The following CLCC1 variants were observed in gnomAD, a reference collection of about 807,000 sequenced individuals.
The protein encoded by CLCC1 is chloride channel CLIC-like protein 1.
In CLCC1, 39 loss-of-function variants were observed where a neutral mutation model predicts 63.3. The ratio of observed to expected loss-of-function variants is 0.62; its 90% CI spans 0.48 to 0.81. The LOEUF (loss-of-function observed/expected upper bound fraction) is 0.81. CLCC1 is among the 30% of genes least tolerant of loss of function. The probability of loss-of-function intolerance (pLI) is 0.00; values close to 1 mark genes in which losing one functional copy is unlikely to be tolerated. For synonymous variants in CLCC1, 217 were observed against 239.8 expected (o/e 0.90, Z 0.88); for missense variants, 549 against 669.4 (o/e 0.82, Z 1.98).
intron 1 of CLCC1, among the ~76,000 whole-genome samples, chr1:108,963,017 A>C (rs1395909194): frequency 6.6e-6 from 1 of 152,268 alleles, no homozygotes; most frequent in Non-Finnish European, 1.5e-5. Context: ...TATTCAAATT[A>C]TGCTTAAAGT....
At chr1:108,938,479 A>G (rs1243974512) in intron 10 of CLCC1, among the ~76,000 whole-genome samples, 1 of 152,246 alleles carries the variant, frequency 6.6e-6, no homozygotes, top group Non-Finnish European at 1.5e-5. Context: ...AAACGATTTC[A>G]AAGTGAACAG....
chr1:108,937,694 G>C (rs1653221112), intron 10 of CLCC1, among the ~76,000 whole-genome samples: 1 of 152,172 alleles, frequency 6.6e-6, no homozygotes, highest in Non-Finnish European at 1.5e-5. Flanking sequence ...CTGAAGCCTA[G>C]ATATTTAAAT....
In CLCC1 at chr1:108,955,754, C is replaced by T. The variant is rs1047253197; in HGVS notation, c.-11-5306G>A. Among the ~76,000 whole-genome samples, 12 of 151,488 alleles carry T rather than the reference C, an allele frequency of 7.9e-5. 2 individuals are homozygous for T. Among genetic ancestry groups the T allele is most frequent in the African/African-American group, 2.5e-4 (10 of 40,742 alleles). Reference sequence around the variant, plus strand: ...AGAGAAAAGGAATTTCTTTTCTCTCCTGGAGCAGGGACACCCTTCTTCTCC... The same window carrying T: ...AGAGAAAAGGAATTTCTTTTCTCTCTTGGAGCAGGGACACCCTTCTTCTCC... On this transcript the variant is annotated intron_variant, in intron 2 of 12. Transcript: ENST00000369969.
intron 3 of CLCC1, 42 bp downstream of exon 3, chr1:108,950,267 A>C (rs1655021224): frequency 6.3e-7 from 1 of 1,579,040 alleles, no homozygotes; most frequent in Non-Finnish European, 8.6e-7. Context: ...CCATCATGGG[A>C]CTGATAAGGT....
At chr1:108,956,293 A>G (rs1219032681) in intron 2 of CLCC1, among the ~76,000 whole-genome samples, 1 of 151,338 alleles carries the variant, frequency 6.6e-6, no homozygotes, top group Non-Finnish European at 1.5e-5. Flanking sequence ...GTAGAATAAA[A>G]GAACTATCCA....
Position 108,929,713 on chromosome 1 carries a change from G to A in CLCC1, c.*2834C>T. On this transcript the variant is annotated 3_prime_UTR_variant, in exon 13 of 13. Coordinates refer to ENST00000369969, the MANE Select transcript of CLCC1 (RefSeq NM_001377458.1). ...CATAAACTTCTAGGGATCCAGATTA[G>A]ATGATCAAAGATGTGCTCCACCACC... 6.2e-7 allele frequency: 1 copy of A among 1,613,158 alleles called. No homozygotes were observed. The highest frequency in any genetic ancestry group is 8.5e-7 in the Non-Finnish European group (1 of 1,179,226).
At position 108,931,604 on chromosome 1, in the gene CLCC1, A is replaced by C; in HGVS notation, c.*943T>G. 6.2e-6 allele frequency: 8 copies of C among 1,293,752 alleles called. No individual in the cohort carries two copies. Among genetic ancestry groups the C allele is most frequent in the Non-Finnish European group, 8.1e-6 (8 of 987,152 alleles). The allele number at this position is 1,293,752 out of a possible 1,614,324, so 80.1% of individuals were successfully genotyped here. A position where few individuals can be genotyped will look rare whatever the true frequency, so the allele number is the denominator to read the frequency against. Reference sequence around the variant, plus strand: ...ATGTTTTTTAAGAGTCATAACCTGGAATTAATTACATTAAGTGCTCAGCTA... The same window carrying C: ...ATGTTTTTTAAGAGTCATAACCTGGCATTAATTACATTAAGTGCTCAGCTA... On this transcript the variant is annotated 3_prime_UTR_variant, in exon 13 of 13. Transcript: ENST00000369969.
chr1:108,959,030 C>T (rs1218102844), intron 2 of CLCC1, among the ~76,000 whole-genome samples: 4 of 151,028 alleles, frequency 2.6e-5, no homozygotes, highest in East Asian at 2.0e-4. Context: ...CAAAATTAGC[C>T]GAGCGTGGTG....
At chr1:108,950,254 T>G in intron 3 of CLCC1, 55 bp downstream of exon 3, 1 of 1,558,028 alleles carries the variant, frequency 6.4e-7, no homozygotes, top group Non-Finnish European at 8.7e-7. Context: ...AGCTAGACTG[T>G]TTCCATCATG....
At chr1:108,948,929 G>A (rs1654866541) in intron 4 of CLCC1, among the ~76,000 whole-genome samples, 2 of 151,926 alleles carry the variant, frequency 1.3e-5, no homozygotes, top group Non-Finnish European at 1.5e-5. Flanking sequence ...GACAGTATTC[G>A]TACTTAATAA....
At position 108,957,338 on chromosome 1, in the gene CLCC1, C is replaced by T. The variant is rs769402591; in HGVS notation, c.-12+4971G>A. 2.2e-4 allele frequency among the ~76,000 whole-genome samples: 34 copies of T among 151,476 alleles called. 1 individual carries two copies. The highest frequency in any genetic ancestry group is 3.3e-4 in the Admixed American group (5 of 15,290). ...GGATAGAAGGGATATGCACCACATCCAAGTCTGGCCCATGAAAACCTCCCA... is the reference window on the plus strand; with the variant it reads ...GGATAGAAGGGATATGCACCACATCTAAGTCTGGCCCATGAAAACCTCCCA... On this transcript the variant is annotated intron_variant, in intron 2 of 12. Transcript: ENST00000369969.
intron 10 of CLCC1, among the ~76,000 whole-genome samples, chr1:108,937,626 T>A (rs1653208901): frequency 6.6e-6 from 1 of 152,230 alleles, no homozygotes; most frequent in Non-Finnish European, 1.5e-5. Flanking sequence ...TTAATAAATC[T>A]TTCAGTAGAC....
chr1:108,942,199 C>T (rs1653943517), intron 7 of CLCC1, among the ~76,000 whole-genome samples: 1 of 152,196 alleles, frequency 6.6e-6, no homozygotes, highest in Non-Finnish European at 1.5e-5. Context: ...GATTTCACTA[C>T]TGCACTCCAG....
intron 10 of CLCC1, among the ~76,000 whole-genome samples, 166 bp downstream of exon 10, chr1:108,939,470 C>G (rs565626518): frequency 6.2e-4 from 94 of 151,618 alleles, no homozygotes; most frequent in South Asian, 2.3e-3. Flanking sequence ...CCACGCCCGG[C>G]TAATTTTTTG....
chr1:108,944,690 C>T (rs531531820), intron 5 of CLCC1, among the ~76,000 whole-genome samples: 7 of 151,438 alleles, frequency 4.6e-5, no homozygotes, highest in African/African-American at 1.2e-4. Context: ...AGTGCAGTGA[C>T]GCAATCTCTG....
rs975569862 is a variant in CLCC1 at position 108,931,726 on chromosome 1, G to GTAAGT, written c.*816_*820dup. ...CCTGGATAGCATTTTAAAAACTCAG[G>GTAAGT]TAAGTTTCATGGGGTTCTTATAAGA... On this transcript the variant is annotated 3_prime_UTR_variant, in exon 13 of 13. Coordinates refer to ENST00000369969, the MANE Select transcript of CLCC1 (RefSeq NM_001377458.1). The GTAAGT allele has an allele frequency of 5.5e-5, 21 of 384,582 alleles. No homozygotes were observed. Among genetic ancestry groups the GTAAGT allele is most frequent in the African/African-American group, 4.2e-4 (20 of 47,320 alleles). The allele number at this position is 384,582 out of a possible 1,614,324, so 23.8% of individuals were successfully genotyped here.
At chr1:108,952,860 TCAAAA>T (rs1435529424) in intron 2 of CLCC1, among the ~76,000 whole-genome samples, 1 of 151,844 alleles carries the variant, frequency 6.6e-6, no homozygotes, top group East Asian at 1.9e-4. Context: ...TGACTAAACT[TCAAAA>T]CCATTCAGAG....
chr1:108,960,142 A>T (rs1656438525), intron 2 of CLCC1, among the ~76,000 whole-genome samples: 1 of 152,174 alleles, frequency 6.6e-6, no homozygotes, highest in Non-Finnish European at 1.5e-5. Flanking sequence ...TCAATTAAAA[A>T]ACAAACAAAC....
chr1:108,958,251 C>G (rs1382045293), intron 2 of CLCC1, among the ~76,000 whole-genome samples: 1 of 151,450 alleles, frequency 6.6e-6, no homozygotes, highest in Admixed American at 6.6e-5. Flanking sequence ...TTCAGTTACC[C>G]ACAGTCAACT....
Sources: gnomAD v4.1 joint callset for allele counts (sites outside exome capture counted in the v4.1 genomes callset) on GRCh38, gnomAD v4.1.1 for gene constraint, MANE v1.5 for transcripts, NCBI Gene and HGNC (gene_info 2026-07-23, HGNC 2026-07-21) for gene names.